CDK15: variants seen among roughly 807,000 people sequenced by gnomAD.
CDK15 encodes cyclin-dependent kinase 15.
Under a neutral mutation model 60.3 loss-of-function variants are expected in CDK15, and 62 were observed. The observed-to-expected ratio is 1.03, with a 90% CI of 0.84 to 1.27. The LOEUF is 1.27. Ranked by LOEUF, CDK15 falls within the 50% of genes most tolerant of loss-of-function variation. The pLI, the probability that CDK15 is intolerant of heterozygous loss-of-function variation, is 0.00. For missense variants in CDK15, 541 were observed against 527.8 expected (o/e 1.03, Z -0.25); for synonymous variants, 194 against 195.7 (o/e 0.99, Z 0.07).
At chr2:201,857,589 T>A (rs1381805959) in intron 10 of CDK15, among the ~76,000 whole-genome samples, 1 of 152,162 alleles carries the variant, frequency 6.6e-6, no homozygotes, top group African/African-American at 2.4e-5. Context: ...TGAGCCCTGC[T>A]TCCATGGCTT....
chr2:201,860,597 T>A, intron 10 of CDK15: 1 of 839,824 alleles, frequency 1.2e-6, no homozygotes, highest in Non-Finnish European at 1.6e-6. Flanking sequence ...GTTTTTCCAC[T>A]AGAAGAACGT....
intron 10 of CDK15, among the ~76,000 whole-genome samples, chr2:201,857,316 C>T (rs115344968): frequency 0.021 from 3,070 of 145,080 alleles, 47 homozygotes; most frequent in Non-Finnish European, 0.031. Flanking sequence ...TGTTTCAAAA[C>T]AATGTGCAGT....
At chr2:201,808,594 G>C (rs559138904) in intron 3 of CDK15, 3 of 152,182 alleles carry the variant, frequency 2.0e-5, no homozygotes, top group Non-Finnish European at 2.9e-5. Flanking sequence ...AGGTGGGAAA[G>C]TTGGATGGTC....
At chr2:201,848,057 G>A (rs546616078) in intron 9 of CDK15, among the ~76,000 whole-genome samples, 3 of 152,296 alleles carry the variant, frequency 2.0e-5, no homozygotes, top group South Asian at 2.1e-4. Context: ...GCCCAGGGAA[G>A]TCGAGGCTGC....
intron 11 of CDK15, among the ~76,000 whole-genome samples, chr2:201,873,265 G>A (rs1698929115): frequency 6.6e-6 from 1 of 152,140 alleles, no homozygotes; most frequent in South Asian, 2.1e-4. Context: ...ATCTTTCACT[G>A]GGAGGGACAG....
intron 4 of CDK15, among the ~76,000 whole-genome samples, chr2:201,821,915 A>G (rs1377833770): frequency 6.6e-6 from 1 of 152,130 alleles, no homozygotes; most frequent in Non-Finnish European, 1.5e-5. Context: ...TCCTGACCTC[A>G]GGTGATCCAC....
intron 4 of CDK15, among the ~76,000 whole-genome samples, chr2:201,819,919 C>T (rs751040508): frequency 6.6e-6 from 1 of 152,108 alleles, no homozygotes; most frequent in African/African-American, 2.4e-5. Flanking sequence ...AAGAAGATGA[C>T]ATGAAGTTTA....
At chr2:201,820,945 T>A (rs1696195389) in intron 4 of CDK15, among the ~76,000 whole-genome samples, 1 of 152,156 alleles carries the variant, frequency 6.6e-6, no homozygotes, top group South Asian at 2.1e-4. Flanking sequence ...TCGGCGTAAG[T>A]CAGCTTAAAT....
intron 11 of CDK15, among the ~76,000 whole-genome samples, chr2:201,872,576 G>A (rs181365974): frequency 7.9e-5 from 12 of 152,168 alleles, no homozygotes; most frequent in Admixed American, 2.0e-4. Context: ...CCCAGGCCCT[G>A]AGAACGAGGG....
At position 201,812,485 on chromosome 2, in the gene CDK15, T is replaced by A; in HGVS notation, c.371T>A (p.Ile124Lys). The A allele has an allele frequency of 1.9e-6, 3 of 1,611,022 alleles. No individual in the cohort carries two copies. In the South Asian group the frequency reaches 3.3e-5, roughly 18 times the overall value. Residue 124 changes from isoleucine to lysine, a missense_variant and splice_region_variant, in exon 4 of 14, where the codon ATA becomes AAA. Transcript: ENST00000652192. ...YATVYKGISR[I>K]NGQLVALKVI... is the part of the protein sequence containing the mutation. ...GCCCCTCAATCCCTCTCTTCTAGAA[T>A]AAATGGACAACTAGTGGCTTTAAAA...
chr2:201,866,499 A>G (rs1016735788), intron 10 of CDK15, among the ~76,000 whole-genome samples: 7 of 152,118 alleles, frequency 4.6e-5, no homozygotes, highest in Non-Finnish European at 1.0e-4. Flanking sequence ...CTGCTTTATT[A>G]CTTTCCTTTT....
At chr2:201,893,153 A>G (rs1251824381) in intron 13 of CDK15, 148 bp from the exon 14 acceptor site, 2 of 152,252 alleles carry the variant, frequency 1.3e-5, no homozygotes, top group African/African-American at 4.8e-5. Flanking sequence ...AACCAGGGTT[A>G]AGATGCTGCC....
At chr2:201,852,633 C>A (rs1463904988) in intron 9 of CDK15, among the ~76,000 whole-genome samples, 1 of 152,076 alleles carries the variant, frequency 6.6e-6, no homozygotes, top group East Asian at 1.9e-4. Flanking sequence ...CCCTTCAGAC[C>A]ACTGTGGTTT....
At chr2:201,854,571 C>T (rs976837167) in intron 9 of CDK15, among the ~76,000 whole-genome samples, 3 of 152,128 alleles carry the variant, frequency 2.0e-5, no homozygotes, top group African/African-American at 7.2e-5. Flanking sequence ...GATAATCATG[C>T]AGTAAATGTT....
chr2:201,857,467 G>T (rs990026243), intron 10 of CDK15, among the ~76,000 whole-genome samples: 2 of 151,974 alleles, frequency 1.3e-5, no homozygotes, highest in Non-Finnish European at 2.9e-5. Flanking sequence ...TGTGCCGTGC[G>T]CTGGGGCTAC....
intron 8 of CDK15, among the ~76,000 whole-genome samples, chr2:201,838,855 T>C (rs565295452): frequency 1.2e-4 from 19 of 152,334 alleles, no homozygotes; most frequent in African/African-American, 4.3e-4. Context: ...TTTTCCTTTT[T>C]TCATCAGTAT....
Position 201,807,561 on chromosome 2 carries a change from G to A in CDK15, c.191G>A (p.Arg64His), listed in dbSNP as rs759835104. 16 of 1,614,032 alleles carry A rather than the reference G, an allele frequency of 9.9e-6. No homozygotes were observed. The highest frequency in any genetic ancestry group is 8.0e-5 in the African/African-American group (6 of 74,914). Residue 64 changes from arginine (R) to histidine (H), a missense_variant, in exon 2 of 14, where the codon CGT (arginine) becomes CAT (histidine). Transcript: ENST00000652192. Reference sequence around the variant, plus strand: ...CACCCCAGGGGACTTCAAGCTGCCCGTGCCCAGAAGTTCAAGAGTAAAAGG... The same window carrying A: ...CACCCCAGGGGACTTCAAGCTGCCCATGCCCAGAAGTTCAAGAGTAAAAGG... Reference protein sequence around the residue: ...SFHPRGLQAARAQKFKSKRPR... With the variant: ...SFHPRGLQAAHAQKFKSKRPR...
At position 201,812,528 on chromosome 2, in the gene CDK15, A is replaced by G. The variant is rs935593608; in HGVS notation, c.414A>G (p.Ala138=). The G allele has an allele frequency of 6.2e-6, 10 of 1,613,140 alleles. No homozygotes were observed. The highest frequency in any genetic ancestry group is 7.6e-6 in the Non-Finnish European group (9 of 1,179,424). The part of the protein sequence containing the change: ...LVALKVISMN[A]EEGVPFTAIR... ...CTTTAAAAGTCATCAGCATGAATGCAGAGGAAGGAGTCCCATTTACAGCTA... is the reference window on the plus strand; with the variant it reads ...CTTTAAAAGTCATCAGCATGAATGCGGAGGAAGGAGTCCCATTTACAGCTA... The change falls in exon 4 of 14, where the codon GCA becomes GCG. Residue 138 remains alanine (A), a synonymous_variant. Transcript: ENST00000652192.
intron 4 of CDK15, among the ~76,000 whole-genome samples, chr2:201,814,848 A>G (rs1004674896): frequency 2.0e-5 from 3 of 152,202 alleles, no homozygotes; most frequent in Admixed American, 6.5e-5. Context: ...GGTAGAATAC[A>G]TGTGGCAATT....
Sources: allele counts gnomAD v4.1 joint callset (sites outside exome capture counted in the v4.1 genomes callset), GRCh38; gene constraint gnomAD v4.1.1; transcripts MANE v1.5; gene names NCBI Gene and HGNC (gene_info 2026-07-23, HGNC 2026-07-21).